The following SPSB3 variants were observed in gnomAD, a reference collection of about 807,000 sequenced individuals.
SPSB3 encodes splA/ryanodine receptor domain and SOCS box containing 3, also known as SPRY domain-containing SOCS box protein 3.
In SPSB3, 18 loss-of-function variants were observed where a neutral mutation model predicts 29.5. That is an observed-to-expected ratio of 0.61 (90% CI 0.42 to 0.91). The LOEUF (loss-of-function observed/expected upper bound fraction) is 0.91. Among genes scored for constraint, SPSB3 ranks in the 40% least tolerant of loss-of-function variants. The pLI is 0.00. For synonymous variants in SPSB3, 299 were observed against 214.1 expected (o/e 1.40, Z -3.46); for missense variants, 540 against 507.5 (o/e 1.06, Z -0.61).
At position 1,777,281 on chromosome 16, in the gene SPSB3, G is replaced by A. The variant is rs750822414; in HGVS notation, c.884C>T (p.Thr295Met). Residue 295 changes from threonine to methionine, a missense_variant, in exon 7 of 7, where the codon ACG (threonine) becomes ATG (methionine). Coordinates refer to ENST00000566339, the MANE Select transcript of SPSB3 (RefSeq NM_080861.4). ...LRQLRPDSGD[T>M]LEGLPLPPGL... is the part of the protein sequence containing the mutation. ...CGGCGGCAGCGGCAGACCCTCCAGC[G>A]TGTCTCCCGAGTCTGGCCGCAGCTG... 67 of 1,610,304 alleles carry A rather than the reference G, an allele frequency of 4.2e-5. No homozygotes were observed. In the East Asian group the frequency reaches 8.7e-4, roughly 21 times the overall value.
At chr16:1,778,765 C>T in intron 2 of SPSB3, 153 bp from the exon 3 acceptor site, 1 of 794,610 alleles carries the variant, frequency 1.3e-6, no homozygotes, top group South Asian at 2.2e-5. Flanking sequence ...AGCGCACAGC[C>T]CAGGCTCCCT....
Position 1,777,382 on chromosome 16 carries a change from G to A in SPSB3, c.783C>T (p.Ala261=), listed in dbSNP as rs758311181. 22 of 1,597,216 alleles carry A rather than the reference G, an allele frequency of 1.4e-5. No homozygotes were observed. In the East Asian group the frequency reaches 3.8e-4, roughly 28 times the overall value. The change falls in exon 7 of 7, where the codon GCC becomes GCT. Residue 261 remains alanine (A), a synonymous_variant. Transcript: ENST00000566339. ...RFYPMVCSTA[A]RSSMKVTRSC... ...AGCGGGTGACCTTCATGCTGCTCCG[G>A]GCCGCCGTGGAGCACACCATCGGGT... is the stretch of plus-strand genomic sequence containing the variant.
intron 2 of SPSB3, chr16:1,779,241 TC>T (rs1358418900): frequency 2.0e-5 from 3 of 152,468 alleles, no homozygotes; most frequent in Non-Finnish European, 4.4e-5. Context: ...CTTGGCCTCC[TC>T]CCACCAGAAC....
intron 2 of SPSB3, 58 bp downstream of exon 2, chr16:1,781,300 G>A (rs753870497): frequency 1.9e-6 from 3 of 1,612,526 alleles, no homozygotes; most frequent in Non-Finnish European, 2.5e-6. Flanking sequence ...CTGCCTGCCT[G>A]CCTAGGGCAT....
At chr16:1,780,356 C>G (rs961587684) in intron 2 of SPSB3, 1 of 146,332 alleles carries the variant, frequency 6.8e-6, no homozygotes, top group African/African-American at 2.6e-5. Context: ...TCACCCCCCA[C>G]AGGGACCCCC....
Position 1,777,120 on chromosome 16 carries a change from T to C in SPSB3, c.1045A>G (p.Arg349Gly). The C allele has an allele frequency of 6.2e-7, 1 of 1,611,414 alleles. No individual in the cohort carries two copies. The highest frequency in any genetic ancestry group is 8.5e-7 in the Non-Finnish European group (1 of 1,179,364). Residue 349 changes from arginine to glycine, a missense_variant, in exon 7 of 7, where the codon AGG becomes GGG. By Grantham distance (125) the Arg-to-Gly change is moderately radical (BLOSUM62 -2). Coordinates refer to ENST00000566339, the MANE Select transcript of SPSB3 (RefSeq NM_080861.4). ...AGTCAGGTCCGGCGGCAGCGCTTCCTCTGGCAGGGCCGAGGCTCGCGACTG... is the reference window on the plus strand; with the variant it reads ...AGTCAGGTCCGGCGGCAGCGCTTCCCCTGGCAGGGCCGAGGCTCGCGACTG... ...PSSREPRPCQ[R>G]KRCRRT
In SPSB3 at chr16:1,778,553, C is replaced by T. The variant is rs780411291; in HGVS notation, c.186G>A (p.Ala62=). Residue 62 remains alanine (A), a synonymous_variant, in exon 3 of 7, where the codon GCG becomes GCA. Transcript: ENST00000566339. ...AGAAGGACTCGCCGGTCACGGGCACCGCACTGGGGATGGATGGCGGCAGCG... is the reference window on the plus strand; with the variant it reads ...AGAAGGACTCGCCGGTCACGGGCACTGCACTGGGGATGGATGGCGGCAGCG... ...YSTLPPSIPS[A]VPVTGESFCD... 10 of 1,604,586 alleles carry T rather than the reference C, an allele frequency of 6.2e-6. No homozygotes were observed. The East Asian group carries it at 9.0e-5, about 14-fold the overall frequency.
rs757350362 is a variant in SPSB3, at chr16:1,778,024, C to T, written c.517G>A (p.Val173Met). ...DMMVGIGTSD[V>M]DLDKYRHTFC... ...GTGTGGCGGTATTTGTCCAGGTCCA[C>T]ATCCGACGTCCCGATGCCCACCATC... is the stretch of plus-strand genomic sequence containing the variant. Residue 173 changes from valine to methionine, a missense_variant, in exon 5 of 7, where the codon GTG becomes ATG. Val to Met is a conservative substitution (Grantham distance 21). Transcript: ENST00000566339. 3 of 1,613,244 alleles carry T rather than the reference C, an allele frequency of 1.9e-6. No homozygotes were observed. Among genetic ancestry groups the T allele is most frequent in the South Asian group, 2.2e-5 (2 of 91,086 alleles).
chr16:1,778,076 C>G (rs200328531), intron 4 of SPSB3, 28 bp from the exon 5 acceptor site: 1 of 1,612,888 alleles, frequency 6.2e-7, no homozygotes, highest in Non-Finnish European at 8.5e-7. Flanking sequence ...GCAGAGGGCG[C>G]GGGGCTGGGC....
intron 6 of SPSB3, 48 bp downstream of exon 6, chr16:1,777,699 C>T (rs140938498): frequency 6.2e-7 from 1 of 1,601,456 alleles, no homozygotes; most frequent in East Asian, 2.2e-5. Flanking sequence ...GTGGCTGCCT[C>T]CCTCGGGGTG....
chr16:1,778,338 G>A lies in SPSB3; in HGVS notation c.305-17C>T, dbSNP rs751381805. ...AGTCGAAATCTGCAAGAGAGGCCCA[G>A]GCTGGGGCAGCCCTGAGAGCTCCAT... On this transcript the variant is annotated splice_polypyrimidine_tract_variant and intron_variant, in intron 3 of 6. Coordinates refer to ENST00000566339, the MANE Select transcript of SPSB3 (RefSeq NM_080861.4). 6.2e-7 allele frequency: 1 copy of A among 1,611,708 alleles called. No individual in the cohort carries two copies. The highest frequency in any genetic ancestry group is 8.5e-7 in the Non-Finnish European group (1 of 1,179,882).
In SPSB3 at chr16:1,777,200, C is replaced by G. The variant is rs764680925; in HGVS notation, c.965G>C (p.Ser322Thr). The change falls in exon 7 of 7, where the codon AGC becomes ACC. Residue 322 changes from serine (S) to threonine (T), a missense_variant. Physicochemically the swap from Ser to Thr is moderately conservative, Grantham distance 58. Transcript: ENST00000566339. ...KLGWVLSMSC[S>T]RRKAPVSDPQ... ...ATCGGACACTGGAGCCTTGCGGCGG[C>G]TGCAACTCATGCTCAGGACCCAGCC... 6.2e-7 allele frequency: 1 copy of G among 1,610,442 alleles called. No homozygotes were observed. Among genetic ancestry groups the G allele is most frequent in the Non-Finnish European group, 8.5e-7 (1 of 1,179,810 alleles).
In SPSB3 at chr16:1,776,801, A is replaced by G. The variant is rs1366684295; in HGVS notation, c.*296T>C. ...CTGACAGCATGCAGAGCAAGTTAGG[A>G]AAAACCGAGGCCCTGTGGGAACAGC... On this transcript the variant is annotated 3_prime_UTR_variant, in exon 7 of 7. Coordinates refer to ENST00000566339, the MANE Select transcript of SPSB3 (RefSeq NM_080861.4). 2.3e-5 allele frequency: 11 copies of G among 488,448 alleles called. No individual in the cohort carries two copies. Among genetic ancestry groups the G allele is most frequent in the Non-Finnish European group, 3.6e-5 (10 of 274,486 alleles). 30.3% of individuals were successfully genotyped at this position (488,448 alleles called of 1,614,324 possible).
chr16:1,776,938 G>A lies in SPSB3; in HGVS notation c.*159C>T, dbSNP rs2042722060. ...GCAGAGGGGCCCTAGAGCCCCCACAGAAAGGACTGTCCCAGCCTCGGGAGC... is the reference window on the plus strand; with the variant it reads ...GCAGAGGGGCCCTAGAGCCCCCACAAAAAGGACTGTCCCAGCCTCGGGAGC... On this transcript the variant is annotated 3_prime_UTR_variant, in exon 7 of 7. Transcript: ENST00000566339. The A allele has an allele frequency of 1.7e-5, 14 of 836,430 alleles. No homozygotes were observed. Among genetic ancestry groups the A allele is most frequent in the South Asian group, 3.6e-5 (2 of 55,716 alleles). The allele number at this position is 836,430 out of a possible 1,614,324, so 51.8% of individuals were successfully genotyped here. A position where few individuals can be genotyped will look rare whatever the true frequency, so the allele number is the denominator to read the frequency against.
intron 2 of SPSB3, chr16:1,780,015 C>G (rs999962878): frequency 2.6e-5 from 4 of 152,314 alleles, no homozygotes; most frequent in African/African-American, 9.6e-5. Context: ...TTAGGGAGTC[C>G]TCACTCAGAG....
chr16:1,781,624 C>T, intron 1 of SPSB3, 129 bp from the exon 2 acceptor site: 1 of 964,510 alleles, frequency 1.0e-6, no homozygotes, highest in Non-Finnish European at 1.5e-6. Flanking sequence ...GCCAGGGCTC[C>T]AGAACGCTTC....
At chr16:1,779,979 C>T (rs887268070) in intron 2 of SPSB3, 1 of 152,194 alleles carries the variant, frequency 6.6e-6, no homozygotes, top group Non-Finnish European at 1.5e-5. Flanking sequence ...CCAATTTGCC[C>T]CCAAGGCCTA....
In SPSB3 at chr16:1,777,132, G is replaced by A. The variant is rs147735377; in HGVS notation, c.1033C>T (p.Arg345Trp). 3.8e-3 allele frequency: 6,133 copies of A among 1,611,632 alleles called. 23 individuals carry two copies. Among genetic ancestry groups the A allele is most frequent in the Non-Finnish European group, 4.8e-3 (5,636 of 1,179,676 alleles). The change falls in exon 7 of 7, where the codon CGG becomes TGG. Residue 345 changes from arginine (R) to tryptophan (W), a missense_variant. Transcript: ENST00000566339. ...TSAHPSSREP[R>W]PCQRKRCRRT is the part of the protein sequence containing the mutation. ...CGGCAGCGCTTCCTCTGGCAGGGCC[G>A]AGGCTCGCGACTGCTGGGGTGGGCG...
intron 2 of SPSB3, chr16:1,779,343 G>A (rs1019305537): frequency 6.6e-5 from 10 of 152,650 alleles, no homozygotes; most frequent in Admixed American, 2.0e-4. Flanking sequence ...GGACCAGGGG[G>A]TCAGCAGGGA....
Sources: allele counts gnomAD v4.1 joint callset, GRCh38; gene constraint gnomAD v4.1.1; transcripts MANE v1.5; gene names NCBI Gene and HGNC (gene_info 2026-07-23, HGNC 2026-07-21).